Variants in CLHC1 observed in about 807,000 individuals in gnomAD.
CLHC1 encodes clathrin heavy chain linker domain-containing protein 1.
In CLHC1, 72 loss-of-function variants were observed where a neutral mutation model predicts 69.5. The observed-to-expected ratio is 1.04, with a 90% CI of 0.86 to 1.26. The LOEUF (loss-of-function observed/expected upper bound fraction) is 1.26, where lower values mean the gene tolerates loss of function less well. Ranked by LOEUF, CLHC1 falls within the 50% of genes most tolerant of loss-of-function variation. The pLI is 0.00. For synonymous variants in CLHC1, 223 were observed against 224.3 expected (o/e 0.99, Z 0.05); for missense variants, 790 against 679.3 (o/e 1.16, Z -1.81).
rs982981149 is a variant in CLHC1 at position 55,222,137 on chromosome 2, A to T, written c.177+98T>A. On this transcript the variant is annotated intron_variant, in intron 3 of 12. Transcript: ENST00000401408. The stretch of plus-strand genomic sequence containing the variant: ...CAAAATCAGCAAATGGAATGTTATC[A>T]TTCAAACAGTGGTGTTACTAAGGCA... The T allele has an allele frequency of 3.7e-6, 3 of 806,118 alleles. No individual in the cohort carries two copies. The African/African-American group carries it at 5.2e-5, about 14-fold the overall frequency. The allele number at this position is 806,118 out of a possible 1,614,324, so 49.9% of individuals were successfully genotyped here. A position where few individuals can be genotyped will look rare whatever the true frequency, so the allele number is the denominator to read the frequency against.
In CLHC1 at chr2:55,173,107, T is replaced by C. The variant is rs1428838945; in HGVS notation, c.*2683A>G. Among the ~76,000 whole-genome samples the C allele has an allele frequency of 1.3e-5, 2 of 152,228 alleles. No homozygotes were observed. Among genetic ancestry groups the C allele is most frequent in the African/African-American group, 4.8e-5 (2 of 41,466 alleles). ...GAGAAACTTAGTTCATCATGACCCT[T>C]GCTTTGCAACTGCTATGTAAAGCAA... is the stretch of plus-strand genomic sequence containing the variant. On this transcript the variant is annotated 3_prime_UTR_variant, in exon 13 of 13. Coordinates refer to ENST00000401408, the MANE Select transcript of CLHC1 (RefSeq NM_152385.4).
rs191540041 is a variant in CLHC1, at chr2:55,196,061, C to T, written c.1006+10209G>A. Reference sequence around the variant, plus strand: ...TGCAGTGATTGTAGGACTTCGCATCCGAACTCAGTGCCACCCTTCCACAGT... The same window carrying T: ...TGCAGTGATTGTAGGACTTCGCATCTGAACTCAGTGCCACCCTTCCACAGT... On this transcript the variant is annotated intron_variant, in intron 9 of 12. Coordinates refer to ENST00000401408, the MANE Select transcript of CLHC1 (RefSeq NM_152385.4). 1.1e-4 allele frequency among the ~76,000 whole-genome samples: 16 copies of T among 152,198 alleles called. No individual in the cohort carries two copies. The East Asian group carries it at 2.3e-3, about 22-fold the overall frequency.
intron 12 of CLHC1, 51 bp from the exon 13 acceptor site, chr2:55,176,037 T>A (rs1287990601): frequency 1.4e-6 from 2 of 1,421,610 alleles, no homozygotes; most frequent in Non-Finnish European, 1.9e-6. Flanking sequence ...TGATAATCTA[T>A]ACTTTAGTGA....
chr2:55,227,552 C>T (rs1674826864), intron 2 of CLHC1, among the ~76,000 whole-genome samples: 1 of 151,780 alleles, frequency 6.6e-6, no homozygotes, highest in Non-Finnish European at 1.5e-5. Flanking sequence ...GTGGCACACG[C>T]CTATAATCCC....
intron 9 of CLHC1, among the ~76,000 whole-genome samples, chr2:55,188,296 A>G (rs1285795193): frequency 6.6e-6 from 1 of 152,170 alleles, no homozygotes; most frequent in East Asian, 1.9e-4. Context: ...AGCCTAGGTG[A>G]CAGAGCAAGA....
intron 4 of CLHC1, among the ~76,000 whole-genome samples, chr2:55,216,284 T>C (rs1472512119): frequency 6.8e-6 from 1 of 146,860 alleles, no homozygotes. Context: ...AGAGCGAAAC[T>C]CCGTCTCAAA....
chr2:55,223,799 CT>C (rs148429043), intron 2 of CLHC1, among the ~76,000 whole-genome samples: 184 of 145,332 alleles, frequency 1.3e-3, no homozygotes, highest in Admixed American at 1.4e-3. Context: ...CGGATCGTAA[CT>C]TTTTTTTTTT....
At chr2:55,206,154 TAG>T (rs1444095580) in intron 9 of CLHC1, 114 bp downstream of exon 9, 4 of 620,386 alleles carry the variant, frequency 6.4e-6, no homozygotes, top group Non-Finnish European at 1.1e-5. Flanking sequence ...GAGTAAATGG[TAG>T]AGATAGGGCT....
chr2:55,231,236 C>T (rs1213947321), intron 1 of CLHC1, among the ~76,000 whole-genome samples: 2 of 143,106 alleles, frequency 1.4e-5, no homozygotes, highest in South Asian at 4.3e-4. Context: ...GGCAACAGAG[C>T]GAAATTCCGT....
chr2:55,176,939 C>G (rs1404929412), intron 12 of CLHC1, among the ~76,000 whole-genome samples: 1 of 152,146 alleles, frequency 6.6e-6, no homozygotes, highest in Non-Finnish European at 1.5e-5. Flanking sequence ...GTGGCACAGT[C>G]ACGGCTCACT....
At chr2:55,200,108 C>G (rs1179559322) in intron 9 of CLHC1, among the ~76,000 whole-genome samples, 2 of 151,260 alleles carry the variant, frequency 1.3e-5, no homozygotes, top group African/African-American at 4.9e-5. Flanking sequence ...CCTGTGATCC[C>G]AGCTACTTGA....
At chr2:55,187,823 C>A (rs890993268) in intron 9 of CLHC1, among the ~76,000 whole-genome samples, 11 of 152,154 alleles carry the variant, frequency 7.2e-5, no homozygotes, top group African/African-American at 2.6e-4. Context: ...AATTCCACTA[C>A]ATTAAAATTA....
chr2:55,222,396 T>C lies in CLHC1; in HGVS notation c.16A>G (p.Ile6Val). Residue 6 changes from isoleucine (I) to valine (V), a missense_variant, in exon 3 of 13, where the codon ATA (isoleucine) becomes GTA (valine). Coordinates refer to ENST00000401408, the MANE Select transcript of CLHC1 (RefSeq NM_152385.4). The stretch of plus-strand genomic sequence containing the variant: ...GGTGGGAGAACTGCATGTTTTCTTA[T>C]TTGATGAACTGACATATTTGACAAT... Reference protein sequence around the residue: MSVHQIRKHAVLPPII... With the variant: MSVHQVRKHAVLPPII... 6.2e-7 allele frequency: 1 copy of C among 1,613,442 alleles called. No individual in the cohort carries two copies. The highest frequency in any genetic ancestry group is 8.5e-7 in the Non-Finnish European group (1 of 1,179,822).
intron 9 of CLHC1, among the ~76,000 whole-genome samples, chr2:55,200,225 TAA>T (rs34374033): frequency 9.4e-5 from 5 of 52,934 alleles, no homozygotes; most frequent in African/African-American, 3.3e-4. Context: ...AAGACTGTCT[TAA>T]AAAAAAAAAA....
intron 5 of CLHC1, among the ~76,000 whole-genome samples, chr2:55,210,699 C>T (rs1021883416): frequency 6.6e-6 from 1 of 152,216 alleles, no homozygotes; most frequent in Non-Finnish European, 1.5e-5. Context: ...ACAAATCTCT[C>T]ATTACCCTAT....
At chr2:55,228,295 T>A (rs1282422643) in intron 1 of CLHC1, 91 bp from the exon 2 acceptor site, 3 of 152,282 alleles carry the variant, frequency 2.0e-5, no homozygotes, top group Non-Finnish European at 4.4e-5. Context: ...ATGCAGTTTC[T>A]AGCAGAGCAG....
At chr2:55,208,820 G>T in intron 7 of CLHC1, 110 bp from the exon 8 acceptor site, 1 of 539,916 alleles carries the variant, frequency 1.9e-6, no homozygotes, top group Non-Finnish European at 3.3e-6. Context: ...GCTCCTAACA[G>T]CAGCAACCTC....
chr2:55,204,988 A>G (rs1672303356), intron 9 of CLHC1, among the ~76,000 whole-genome samples: 1 of 152,164 alleles, frequency 6.6e-6, no homozygotes, highest in South Asian at 2.1e-4. Context: ...TAAAAAAAAT[A>G]GTTAAATTGT....
chr2:55,180,638 C>G lies in CLHC1; in HGVS notation c.1256G>C (p.Cys419Ser), dbSNP rs756542965. 27 of 1,613,874 alleles carry G rather than the reference C, an allele frequency of 1.7e-5. No individual in the cohort carries two copies. The Middle Eastern group carries it at 1.3e-3, about 79-fold the overall frequency. The change falls in exon 11 of 13, where the codon TGC becomes TCC. Residue 419 changes from cysteine (C) to serine (S), a missense_variant. Coordinates refer to ENST00000401408, the MANE Select transcript of CLHC1 (RefSeq NM_152385.4). ...GEQDTYNKAKCLALAQIVYSE... is the reference protein window; with the variant it reads ...GEQDTYNKAKSLALAQIVYSE... ...GTAGACAATCTGAGCTAAAGCCAGG[C>G]ACTTGGCCTTGTTATAAGTATCCTG...
Sources: allele counts gnomAD v4.1 joint callset (sites outside exome capture counted in the v4.1 genomes callset), GRCh38; gene constraint gnomAD v4.1.1; transcripts MANE v1.5; gene names NCBI Gene and HGNC (gene_info 2026-07-23, HGNC 2026-07-21).